The following EDEM2 variants were observed in gnomAD, a reference collection of about 807,000 sequenced individuals.
The protein encoded by EDEM2 is ER degradation-enhancing alpha-mannosidase-like protein 2.
Under a neutral mutation model 64.8 loss-of-function variants are expected in EDEM2, and 39 were observed. The ratio of observed to expected loss-of-function variants is 0.60; its 90% CI spans 0.47 to 0.79. The LOEUF is 0.79. EDEM2 is among the 30% of genes least tolerant of loss of function. The pLI, the probability that EDEM2 is intolerant of heterozygous loss-of-function variation, is 0.00. For synonymous variants in EDEM2, 296 were observed against 291.5 expected (o/e 1.02, Z -0.16); for missense variants, 609 against 731.3 (o/e 0.83, Z 1.93).
intron 9 of EDEM2, among the ~76,000 whole-genome samples, chr20:35,120,752 C>T (rs774731936): frequency 5.9e-5 from 9 of 152,046 alleles, no homozygotes; most frequent in Non-Finnish European, 8.8e-5. Context: ...CACATGCCAC[C>T]GTGCCCGGCT....
Position 35,126,105 on chromosome 20 carries a change from C to G in EDEM2, c.969+146G>C, listed in dbSNP as rs143795661. On this transcript the variant is annotated intron_variant, in intron 8 of 10. Coordinates refer to ENST00000374492, the MANE Select transcript of EDEM2 (RefSeq NM_018217.3). ...CAGAACTCTAAATCTATCTAATTCA[C>G]TCTAGGTCTCTCTTCCATCCTCAAC... 811 of 1,061,648 alleles carry G rather than the reference C, an allele frequency of 7.6e-4. 2 individuals carry two copies. The highest frequency in any genetic ancestry group is 1.5e-3 in the Admixed American group (54 of 34,944). The allele number at this position is 1,061,648 out of a possible 1,614,324, so 65.8% of individuals were successfully genotyped here. A position where few individuals can be genotyped will look rare whatever the true frequency, so the allele number is the denominator to read the frequency against.
At position 35,137,823 on chromosome 20, in the gene EDEM2, C is replaced by T. The variant is rs2295889; in HGVS notation, c.490+57G>A. On this transcript the variant is annotated intron_variant, in intron 5 of 10. Transcript: ENST00000374492. Reference sequence around the variant, plus strand: ...TCAGCACTGCCACTCTCATCTTCAGCAAGGGAAGCAGGACCTACTGGACTT... The same window carrying T: ...TCAGCACTGCCACTCTCATCTTCAGTAAGGGAAGCAGGACCTACTGGACTT... 17 of 1,584,116 alleles carry T rather than the reference C, an allele frequency of 1.1e-5. No homozygotes were observed. The East Asian group carries it at 2.0e-4, about 19-fold the overall frequency.
chr20:35,131,047 G>T (rs145394473), intron 7 of EDEM2, among the ~76,000 whole-genome samples: 39 of 152,282 alleles, frequency 2.6e-4, no homozygotes, highest in African/African-American at 8.9e-4. Flanking sequence ...GCTTTGAAGG[G>T]TGAAAAGAAT....
At chr20:35,133,879 C>T (rs372816126) in intron 6 of EDEM2, among the ~76,000 whole-genome samples, 9 of 152,170 alleles carry the variant, frequency 5.9e-5, no homozygotes, top group African/African-American at 2.2e-4. Context: ...ATGCAGTCTT[C>T]CTAAGTCAGA....
chr20:35,121,810 T>C (rs1569174967), intron 9 of EDEM2, among the ~76,000 whole-genome samples: 1 of 150,430 alleles, frequency 6.6e-6, no homozygotes, highest in African/African-American at 2.5e-5. Flanking sequence ...TTTTTTTTTT[T>C]TGGAGACAGG....
intron 6 of EDEM2, among the ~76,000 whole-genome samples, chr20:35,133,178 A>C (rs947092407): frequency 6.6e-6 from 1 of 152,062 alleles, no homozygotes; most frequent in Admixed American, 6.6e-5. Context: ...TGGAATGTTT[A>C]TCCACCAACT....
chr20:35,146,028 T>C (rs1165452288), intron 2 of EDEM2, among the ~76,000 whole-genome samples: 2 of 138,518 alleles, frequency 1.4e-5, no homozygotes, highest in African/African-American at 2.7e-5. Context: ...AAAAAAAGAG[T>C]GTATTTTATT....
At chr20:35,144,663 C>T (rs1034124295) in intron 3 of EDEM2, among the ~76,000 whole-genome samples, 3 of 152,154 alleles carry the variant, frequency 2.0e-5, no homozygotes, top group Admixed American at 6.5e-5. Flanking sequence ...TTGAACATGG[C>T]CACTAGAATG....
At position 35,142,361 on chromosome 20, in the gene EDEM2, A is replaced by C. The variant is rs1251441064; in HGVS notation, c.364+12T>G. On this transcript the variant is annotated intron_variant, in intron 4 of 10. Transcript: ENST00000374492. ...CTTTTTTCTTTTAAAGGTCCTAGAG[A>C]GCAGCCCTTACCTCGAATGTTTGTT... is the stretch of plus-strand genomic sequence containing the variant. 1 of 1,602,320 alleles carries C rather than the reference A, an allele frequency of 6.2e-7. No homozygotes were observed. The highest frequency in any genetic ancestry group is 1.7e-4 in the Middle Eastern group (1 of 6,050).
rs779650017 is a variant in EDEM2 at position 35,145,005 on chromosome 20, G to A, written c.232C>T (p.Leu78=). 1.9e-5 allele frequency: 30 copies of A among 1,613,930 alleles called. No homozygotes were observed. The highest frequency in any genetic ancestry group is 2.4e-5 in the Non-Finnish European group (28 of 1,179,980). ...HDTWGSFSLT[L]IDALDTLLIL... ...AGCAAGGTGTCCAGTGCATCAATTA[G>A]AGTCAGAGAAAAACTGCAAAAGGAC... Residue 78 remains leucine (L), a synonymous_variant, in exon 3 of 11, where the codon CTA becomes TTA. Coordinates refer to ENST00000374492, the MANE Select transcript of EDEM2 (RefSeq NM_018217.3).
At chr20:35,133,406 C>G (rs1213006316) in intron 6 of EDEM2, among the ~76,000 whole-genome samples, 1 of 151,686 alleles carries the variant, frequency 6.6e-6, no homozygotes, top group Non-Finnish European at 1.5e-5. Flanking sequence ...TACGGTCCCA[C>G]TGCTGGAGCA....
intron 3 of EDEM2, among the ~76,000 whole-genome samples, chr20:35,143,908 A>G (rs949112649): frequency 4.6e-4 from 69 of 151,146 alleles, no homozygotes; most frequent in African/African-American, 1.6e-3. Flanking sequence ...TTTCTTTTAT[A>G]TCTTTTTTTT....
intron 8 of EDEM2, among the ~76,000 whole-genome samples, 169 bp from the exon 9 acceptor site, chr20:35,124,203 C>T (rs531216966): frequency 6.6e-6 from 1 of 152,296 alleles, no homozygotes; most frequent in African/African-American, 2.4e-5. Flanking sequence ...CTTCTCTGAG[C>T]CCCATCTATA....
chr20:35,115,493 G>A lies in EDEM2; in HGVS notation c.1677C>T (p.Pro559=), dbSNP rs771023977. 2 of 1,613,332 alleles carry A rather than the reference G, an allele frequency of 1.2e-6. No individual in the cohort carries two copies. The highest frequency in any genetic ancestry group is 2.2e-5 in the South Asian group (2 of 91,090). Reference sequence around the variant, plus strand: ...CCAACTTGGAGGTGAAGGGCTGACTGGGGCAGCTGAGAAGTGGGACCTTCT... The same window carrying A: ...CCAACTTGGAGGTGAAGGGCTGACTAGGGCAGCTGAGAAGTGGGACCTTCT... ...AKQKVPLLSC[P]SQPFTSKLAL... The change falls in exon 11 of 11, where the codon CCC becomes CCT. Residue 559 remains proline, a synonymous_variant. Transcript: ENST00000374492.
At chr20:35,146,748 A>G in intron 2 of EDEM2, 77 bp downstream of exon 2, 1 of 1,502,138 alleles carries the variant, frequency 6.7e-7, no homozygotes, top group South Asian at 1.2e-5. Context: ...CCATGAAGCC[A>G]CCAGCCCCAG....
intron 9 of EDEM2, 69 bp from the exon 10 acceptor site, chr20:35,118,788 CG>C (rs2085337307): frequency 6.3e-7 from 1 of 1,590,314 alleles, no homozygotes; most frequent in African/African-American, 1.3e-5. Context: ...CTCTTAGGGC[CG>C]TGAGGGACTA....
intron 2 of EDEM2, 129 bp downstream of exon 2, chr20:35,146,696 G>A (rs1277050773): frequency 4.1e-6 from 4 of 974,652 alleles, no homozygotes; most frequent in South Asian, 1.6e-5. Context: ...CGGGGAGCGC[G>A]GCTCTAGCTC....
chr20:35,123,026 C>G (rs1333585582), intron 9 of EDEM2, among the ~76,000 whole-genome samples: 1 of 152,112 alleles, frequency 6.6e-6, no homozygotes, highest in African/African-American at 2.4e-5. Flanking sequence ...TTCAGCTTCC[C>G]TGAAGTGAAT....
chr20:35,146,769 C>T lies in EDEM2; in HGVS notation c.218+56G>A, dbSNP rs556529680. 46 of 1,578,830 alleles carry T rather than the reference C, an allele frequency of 2.9e-5. 1 individual carries two copies. The South Asian group carries it at 4.8e-4, about 16-fold the overall frequency. ...AGCCACCAGCCCCAGCTGACCCGCC[C>T]GCCGAGGCCCAGAGAGTCAGACCCT... On this transcript the variant is annotated intron_variant, in intron 2 of 10. Coordinates refer to ENST00000374492, the MANE Select transcript of EDEM2 (RefSeq NM_018217.3).
Sources: allele counts gnomAD v4.1 joint callset (sites outside exome capture counted in the v4.1 genomes callset), GRCh38; gene constraint gnomAD v4.1.1; transcripts MANE v1.5; gene names NCBI Gene and HGNC (gene_info 2026-07-23, HGNC 2026-07-21).